Variants in NFE2L3 observed in about 807,000 individuals in gnomAD.
NFE2L3 encodes the protein NFE2 like bZIP transcription factor 3.
Under a neutral mutation model 23.5 loss-of-function variants are expected in NFE2L3, and 18 were observed. The observed-to-expected ratio is 0.77, with a 90% CI of 0.53 to 1.13. The LOEUF is 1.13. NFE2L3 is among the 50% of genes most tolerant of loss of function. The pLI, the probability that NFE2L3 is intolerant of heterozygous loss-of-function variation, is 0.00. For missense variants in NFE2L3, 1,152 were observed against 877.2 expected, an observed-to-expected ratio of 1.31 and a Z score of -3.96; for synonymous variants, 424 against 354.5, an observed-to-expected ratio of 1.20 and a Z score of -2.20.
At chr7:26,167,529 CTTTT>C (rs35736109) in intron 1 of NFE2L3, among the ~76,000 whole-genome samples, 1 of 147,584 alleles carries the variant, frequency 6.8e-6, no homozygotes, top group Non-Finnish European at 1.5e-5. Context: ...TGAAAATGTA[CTTTT>C]TTTTTTTAAT....
chr7:26,172,611 C>T (rs1032198085), intron 1 of NFE2L3, among the ~76,000 whole-genome samples: 1 of 152,174 alleles, frequency 6.6e-6, no homozygotes, highest in Non-Finnish European at 1.5e-5. Context: ...CTCAGTGTTT[C>T]TTCACCTTTA....
intron 1 of NFE2L3, among the ~76,000 whole-genome samples, chr7:26,166,868 G>C (rs1159817980): frequency 6.6e-6 from 1 of 152,140 alleles, no homozygotes; most frequent in Non-Finnish European, 1.5e-5. Flanking sequence ...ACTGTTCTTT[G>C]TCTTTGAAGG....
rs1784352014 is a variant in NFE2L3, at chr7:26,173,222, T to C, written c.571-4721T>C. 2.0e-5 allele frequency among the ~76,000 whole-genome samples: 3 copies of C among 152,186 alleles called. No individual in the cohort carries two copies. In the South Asian group the frequency reaches 6.2e-4, roughly 31 times the overall value. On this transcript the variant is annotated intron_variant, in intron 1 of 3. Coordinates refer to ENST00000056233, the MANE Select transcript of NFE2L3 (RefSeq NM_004289.7). ...GAGTTTTCAGACAAGACATCTTACA[T>C]ACCTTTGTTACCAATTCATTACACT...
chr7:26,175,282 C>T (rs1414359566), intron 1 of NFE2L3, among the ~76,000 whole-genome samples: 1 of 151,918 alleles, frequency 6.6e-6, no homozygotes, highest in African/African-American at 2.4e-5. Context: ...ATGGTGTGAA[C>T]CTGGGAGGCG....
chr7:26,184,318 T>G (rs1456936520), intron 3 of NFE2L3: 2 of 520,302 alleles, frequency 3.8e-6, no homozygotes, highest in African/African-American at 3.8e-5. Flanking sequence ...TAATCCATCT[T>G]AATTTCTAGG....
intron 1 of NFE2L3, among the ~76,000 whole-genome samples, chr7:26,166,057 A>C (rs1222663001): frequency 1.3e-5 from 2 of 150,200 alleles, no homozygotes; most frequent in Non-Finnish European, 3.0e-5. Context: ...CAGGTGCTTT[A>C]CTGGATTTGT....
intron 2 of NFE2L3, among the ~76,000 whole-genome samples, chr7:26,178,758 T>A (rs914151320): frequency 4.6e-5 from 7 of 152,200 alleles, no homozygotes; most frequent in African/African-American, 1.7e-4. Flanking sequence ...GTACTCTGAT[T>A]TCTCTTCAGC....
chr7:26,184,847 C>A lies in NFE2L3; in HGVS notation c.1149C>A (p.Asp383Glu). 1 of 1,613,888 alleles carries A rather than the reference C, an allele frequency of 6.2e-7. No homozygotes were observed. The highest frequency in any genetic ancestry group is 8.5e-7 in the Non-Finnish European group (1 of 1,179,808). Residue 383 changes from aspartate to glutamate, a missense_variant, in exon 4 of 4, where the codon GAC becomes GAA. Asp to Glu is a conservative substitution (Grantham distance 45, BLOSUM62 2). Transcript: ENST00000056233. ...TAACAAGCCAAGACCTACTGTATGA[C>A]CTTGACATAAATATATTTGATGAGA... ...RNLTSQDLLY[D>E]LDINIFDEIN... is the part of the protein sequence containing the mutation.
At chr7:26,153,745 G>A (rs1784036878) in intron 1 of NFE2L3, among the ~76,000 whole-genome samples, 1 of 152,078 alleles carries the variant, frequency 6.6e-6, no homozygotes, top group Admixed American at 6.5e-5. Flanking sequence ...TTGGTTTATG[G>A]GTCCAAACCC....
chr7:26,158,292 A>G (rs1161599408), intron 1 of NFE2L3, among the ~76,000 whole-genome samples: 2 of 152,134 alleles, frequency 1.3e-5, no homozygotes, highest in Non-Finnish European at 1.5e-5. Context: ...TAAGGACATC[A>G]TTGGATAAGG....
rs1392831420 is a variant in NFE2L3, at chr7:26,161,494, A to T, written c.570+8426A>T. 2.6e-5 allele frequency among the ~76,000 whole-genome samples: 4 copies of T among 151,690 alleles called. No individual in the cohort carries two copies. In the East Asian group the frequency reaches 5.8e-4, roughly 22 times the overall value. ...CCATCTACCACCAGGCTGAATGAAT[A>T]CCTCTGGAGTTTTCCAGACCCCCAG... On this transcript the variant is annotated intron_variant, in intron 1 of 3. Coordinates refer to ENST00000056233, the MANE Select transcript of NFE2L3 (RefSeq NM_004289.7).
intron 1 of NFE2L3, among the ~76,000 whole-genome samples, chr7:26,175,832 CTGTT>C (rs1233236737): frequency 1.4e-5 from 2 of 145,584 alleles, no homozygotes; most frequent in Non-Finnish European, 3.0e-5. Context: ...TTCCAATTAG[CTGTT>C]TGATCAATTT....
Position 26,185,805 on chromosome 7 carries a change from TA to T in NFE2L3, c.*23del, listed in dbSNP as rs1227585500. 6.4e-7 allele frequency: 1 copy of T among 1,557,980 alleles called. No homozygotes were observed. The highest frequency in any genetic ancestry group is 2.3e-5 in the East Asian group (1 of 44,372). ...GTGAGAAGAAACTGAAGATGGACTC[TA>T]TTATGTGAAGTAGTAATGTTCAGAA... is the stretch of plus-strand genomic sequence containing the variant. On this transcript the variant is annotated 3_prime_UTR_variant, in exon 4 of 4. Transcript: ENST00000056233.
rs140748169 is a variant in NFE2L3, at chr7:26,161,572, C to G, written c.570+8504C>G. Among the ~76,000 whole-genome samples the G allele has an allele frequency of 7.1e-3, 1,074 of 151,986 alleles. 2 individuals carry two copies. The highest frequency in any genetic ancestry group is 0.018 in the Admixed American group (268 of 15,264). On this transcript the variant is annotated intron_variant, in intron 1 of 3. Transcript: ENST00000056233. ...GGTCCTCTGCCTTGACGCTCCTCCCCCAGGGCTCCTCAGTGTCCGGCAATA... is the reference window on the plus strand; with the variant it reads ...GGTCCTCTGCCTTGACGCTCCTCCCGCAGGGCTCCTCAGTGTCCGGCAATA...
intron 1 of NFE2L3, 121 bp downstream of exon 1, chr7:26,153,189 C>T: frequency 2.9e-6 from 3 of 1,022,640 alleles, no homozygotes; most frequent in Non-Finnish European, 2.7e-6. Flanking sequence ...AGCCCCTGGT[C>T]TTTGCAGGTT....
At position 26,185,409 on chromosome 7, in the gene NFE2L3, C is replaced by T. The variant is rs1782457352; in HGVS notation, c.1711C>T (p.Leu571=). Residue 571 remains leucine (L), a synonymous_variant, in exon 4 of 4, where the codon CTG becomes TTG. Transcript: ENST00000056233. ...SFNSMLSRYY[L]TDLQVSLIRD... is the part of the protein sequence containing the mutation. ...CAATAGCATGTTAAGTAGATATTAT[C>T]TGACAGACCTACAAGTCTCACTTAT... is the stretch of plus-strand genomic sequence containing the variant. The T allele has an allele frequency of 1.2e-6, 2 of 1,613,994 alleles. No individual in the cohort carries two copies. The highest frequency in any genetic ancestry group is 1.7e-5 in the Admixed American group (1 of 60,002).
chr7:26,152,209 A>C lies in NFE2L3; in HGVS notation c.-290A>C. ...CCGCGGCCGGGGGCGGAGCTTGGCC[A>C]CCGCGCCGGGCTGCGGGCGGCTGGG... On this transcript the variant is annotated 5_prime_UTR_variant, in exon 1 of 4. Transcript: ENST00000056233. This position sits in a 1 kb window ranked among gnomAD's most constrained non-coding sequence, Gnocchi z 4.4. 5.7e-6 allele frequency: 1 copy of C among 176,260 alleles called. No homozygotes were observed. The highest frequency in any genetic ancestry group is 1.2e-5 in the Non-Finnish European group (1 of 84,464). 10.9% of individuals were successfully genotyped at this position (176,260 alleles called of 1,614,324 possible).
At chr7:26,175,853 CTTTT>C (rs70943276) in intron 1 of NFE2L3, among the ~76,000 whole-genome samples, 6 of 111,642 alleles carry the variant, frequency 5.4e-5, no homozygotes, top group South Asian at 5.9e-4. Flanking sequence ...ATTTTCTTTT[CTTTT>C]TTTTTTTTTT....
rs1784008089 is a variant in NFE2L3 at position 26,152,292 on chromosome 7, C to G, written c.-207C>G. On this transcript the variant is annotated 5_prime_UTR_variant, in exon 1 of 4. Transcript: ENST00000056233. The surrounding 1 kb of genome is among the most constrained non-coding windows in gnomAD (Gnocchi z 4.4). ...TCGCTTCTCCCGATCCCCGGCGGTGCCAGGCACGGTGCCGGCTGCCGAGGG... is the reference window on the plus strand; with the variant it reads ...TCGCTTCTCCCGATCCCCGGCGGTGGCAGGCACGGTGCCGGCTGCCGAGGG... 3.7e-6 allele frequency: 1 copy of G among 266,794 alleles called. No individual in the cohort carries two copies. The highest frequency in any genetic ancestry group is 6.8e-6 in the Non-Finnish European group (1 of 146,032). 16.5% of individuals were successfully genotyped at this position (266,794 alleles called of 1,614,324 possible).
Sources: gnomAD v4.1 joint callset for allele counts (sites outside exome capture counted in the v4.1 genomes callset) on GRCh38, gnomAD v4.1.1 for gene constraint, Gnocchi (gnomAD v3.1) non-coding constraint, MANE v1.5 for transcripts, NCBI Gene and HGNC (gene_info 2026-07-23, HGNC 2026-07-21) for gene names.